Variants in ANGPTL3 observed in about 807,000 individuals in gnomAD.
The protein encoded by ANGPTL3 is angiopoietin like 3.
A neutral mutation model predicts 52.7 loss-of-function variants in ANGPTL3; 51 were observed. The observed-to-expected ratio is 0.97, with a 90% CI of 0.77 to 1.22. The LOEUF (loss-of-function observed/expected upper bound fraction) is 1.22. ANGPTL3 is among the 50% of genes most tolerant of loss of function. ANGPTL3 has a pLI of 0.00. For synonymous variants in ANGPTL3, 185 were observed against 179.8 expected, an observed-to-expected ratio of 1.03 and a Z score of -0.23; for missense variants, 506 against 520.7, an observed-to-expected ratio of 0.97 and a Z score of 0.27.
chr1:62,598,674 C>T, intron 1 of ANGPTL3, 22 bp from the exon 2 acceptor site: 1 of 1,394,236 alleles, frequency 7.2e-7, no homozygotes, highest in African/African-American at 1.4e-5. Flanking sequence ...CAACTTATAA[C>T]CAACCTACTC....
At chr1:62,604,419 T>G in intron 6 of ANGPTL3, 184 bp downstream of exon 6, 2 of 895,190 alleles carry the variant, frequency 2.2e-6, no homozygotes, top group Admixed American at 2.8e-5. Flanking sequence ...ATTTTACCTC[T>G]AATCTTCCTC....
intron 5 of ANGPTL3, 65 bp from the exon 6 acceptor site, chr1:62,603,904 A>T: frequency 2.0e-6 from 3 of 1,514,712 alleles, no homozygotes; most frequent in Non-Finnish European, 2.7e-6. Flanking sequence ...AAAAACACTT[A>T]AAAAAACTGT....
At chr1:62,603,149 T>C (rs1650403950) in intron 5 of ANGPTL3, among the ~76,000 whole-genome samples, 2 of 151,682 alleles carry the variant, frequency 1.3e-5, no homozygotes, top group South Asian at 2.1e-4. Context: ...AATCTTCTAA[T>C]AGTGAGTGTA....
intron 4 of ANGPTL3, 132 bp downstream of exon 4, chr1:62,602,014 T>C: frequency 3.2e-6 from 2 of 619,324 alleles, no homozygotes; most frequent in Non-Finnish European, 5.6e-6. Flanking sequence ...ATAAATATAA[T>C]ACTTTTACCT....
intron 3 of ANGPTL3, among the ~76,000 whole-genome samples, chr1:62,601,398 T>C (rs908909970): frequency 1.3e-5 from 2 of 151,654 alleles, no homozygotes; most frequent in African/African-American, 4.8e-5. Context: ...GACTTGATTA[T>C]TAGATAATAT....
At position 62,604,688 on chromosome 1, in the gene ANGPTL3, C is replaced by CA; in HGVS notation, c.1257dup (p.Pro420ThrfsTer6). ...AAAACAACCTAAATGGTAAATATAACAAACCAAGAGCAAAATCTAAGCCAG... is the reference window on the plus strand; with the variant it reads ...AAAACAACCTAAATGGTAAATATAACAAAACCAAGAGCAAAATCTAAGCCAG... On this transcript the variant is annotated frameshift_variant, in exon 7 of 7. Transcript: ENST00000371129. LOFTEE classifies it high-confidence loss of function. 1 of 1,613,112 alleles carries CA rather than the reference C, an allele frequency of 6.2e-7. No individual in the cohort carries two copies. Among genetic ancestry groups the CA allele is most frequent in the Middle Eastern group, 1.7e-4 (1 of 6,058 alleles).
At chr1:62,599,663 C>CAGT in intron 2 of ANGPTL3, among the ~76,000 whole-genome samples, 1 of 152,006 alleles carries the variant, frequency 6.6e-6, no homozygotes, top group African/African-American at 2.4e-5. Flanking sequence ...GTATGGCACA[C>CAGT]AGTAGGCATT....
chr1:62,602,357 A>C lies in ANGPTL3; in HGVS notation c.908A>C (p.Lys303Thr), dbSNP rs1650271397. ...QNFNETWENY[K>T]YGFGRLDGEF... ...TTCAATGAAACGTGGGAGAACTACAAATATGGTTTTGGGAGGCTTGATGGT... is the reference window on the plus strand; with the variant it reads ...TTCAATGAAACGTGGGAGAACTACACATATGGTTTTGGGAGGCTTGATGGT... Residue 303 changes from lysine (K) to threonine (T), a missense_variant, in exon 5 of 7, where the codon AAA (lysine) becomes ACA (threonine). Physicochemically the swap from Lys to Thr is moderately conservative, Grantham distance 78. Transcript: ENST00000371129. The C allele has an allele frequency of 3.7e-6, 6 of 1,610,912 alleles. No homozygotes were observed. Among genetic ancestry groups the C allele is most frequent in the Non-Finnish European group, 5.1e-6 (6 of 1,177,662 alleles).
In ANGPTL3 at chr1:62,597,777, A is replaced by G; in HGVS notation, c.211A>G (p.Ile71Val). The part of the protein sequence containing the change: ...VHKTKGQIND[I>V]FQKLNIFDQS... ...TAAGACGAAGGGCCAAATTAATGAC[A>G]TATTTCAAAAACTCAACATATTTGA... Residue 71 changes from isoleucine to valine, a missense_variant, in exon 1 of 7, where the codon ATA becomes GTA. Physicochemically the swap from Ile to Val is conservative, Grantham distance 29 (BLOSUM62 3). Transcript: ENST00000371129. 1 of 1,613,592 alleles carries G rather than the reference A, an allele frequency of 6.2e-7. No individual in the cohort carries two copies. The highest frequency in any genetic ancestry group is 8.5e-7 in the Non-Finnish European group (1 of 1,179,694).
In ANGPTL3 at chr1:62,602,287, A is replaced by G; in HGVS notation, c.838A>G (p.Ser280Gly). Residue 280 changes from serine (S) to glycine (G), a missense_variant and splice_region_variant, in exon 5 of 7, where the codon AGT becomes GGT. By Grantham distance (56) the Ser-to-Gly change is moderately conservative (BLOSUM62 0). Transcript: ENST00000371129. ...FHVYCDVISG[S>G]PWTLIQHRID... ...ATGATTTCATTCATTATATTCAGGTAGTCCATGGACATTAATTCAACATCG... is the reference window on the plus strand; with the variant it reads ...ATGATTTCATTCATTATATTCAGGTGGTCCATGGACATTAATTCAACATCG... The G allele has an allele frequency of 6.2e-7, 1 of 1,602,686 alleles. No individual in the cohort carries two copies. The highest frequency in any genetic ancestry group is 8.5e-7 in the Non-Finnish European group (1 of 1,170,550).
At chr1:62,603,332 TTAA>T (rs1350032471) in intron 5 of ANGPTL3, among the ~76,000 whole-genome samples, 2 of 151,800 alleles carry the variant, frequency 1.3e-5, no homozygotes, top group African/African-American at 4.8e-5. Context: ...TATAAATACT[TTAA>T]TAAAAAGGAT....
In ANGPTL3 at chr1:62,597,954, G is replaced by A; in HGVS notation, c.388G>A (p.Glu130Lys). ...CTCAAAACTTGAAAGCCTCCTAGAA[G>A]AAAAAATTCTACTTCAACAAAAAGT... is the stretch of plus-strand genomic sequence containing the variant. ...LNSKLESLLE[E>K]KILLQQKVKY... The change falls in exon 1 of 7, where the codon GAA becomes AAA. Residue 130 changes from glutamate (E) to lysine (K), a missense_variant. Transcript: ENST00000371129. The A allele has an allele frequency of 6.4e-7, 1 of 1,551,746 alleles. No homozygotes were observed. The highest frequency in any genetic ancestry group is 8.6e-7 in the Non-Finnish European group (1 of 1,157,750).
chr1:62,602,289 T>G lies in ANGPTL3; in HGVS notation c.840T>G (p.Ser280Arg), dbSNP rs746868277. The change falls in exon 5 of 7, where the codon AGT becomes AGG. Residue 280 changes from serine to arginine, a missense_variant. By Grantham distance (110) the Ser-to-Arg change is moderately radical. Coordinates refer to ENST00000371129, the MANE Select transcript of ANGPTL3 (RefSeq NM_014495.4). ...GATTTCATTCATTATATTCAGGTAG[T>G]CCATGGACATTAATTCAACATCGAA... ...FHVYCDVISG[S>R]PWTLIQHRID... is the part of the protein sequence containing the mutation. The G allele has an allele frequency of 6.2e-7, 1 of 1,606,266 alleles. No individual in the cohort carries two copies. Among genetic ancestry groups the G allele is most frequent in the Non-Finnish European group, 8.5e-7 (1 of 1,173,800 alleles).
At position 62,604,206 on chromosome 1, in the gene ANGPTL3, G is replaced by A; in HGVS notation, c.1169G>A (p.Gly390Glu). The A allele has an allele frequency of 1.2e-6, 2 of 1,613,288 alleles. No individual in the cohort carries two copies. Among genetic ancestry groups the A allele is most frequent in the Non-Finnish European group, 1.7e-6 (2 of 1,179,410 alleles). Reference protein sequence around the residue: ...VFSTWDHKAKGHFNCPEGYSG... With the variant: ...VFSTWDHKAKEHFNCPEGYSG... ...TCTACTTGGGATCACAAAGCAAAAGGACACTTCAACTGTCCAGAGGGTTAT... is the reference window on the plus strand; with the variant it reads ...TCTACTTGGGATCACAAAGCAAAAGAACACTTCAACTGTCCAGAGGGTTAT... Residue 390 changes from glycine (G) to glutamate (E), a missense_variant, in exon 6 of 7, where the codon GGA becomes GAA. By Grantham distance (98) the Gly-to-Glu change is moderately conservative. Coordinates refer to ENST00000371129, the MANE Select transcript of ANGPTL3 (RefSeq NM_014495.4).
rs1181732860 is a variant in ANGPTL3, at chr1:62,598,700, T to C, written c.500T>C (p.Phe167Ser). The C allele has an allele frequency of 4.4e-6, 7 of 1,599,706 alleles. No individual in the cohort carries two copies. Among genetic ancestry groups the C allele is most frequent in the East Asian group, 4.5e-5 (2 of 44,644 alleles). ...EHPEVTSLKT[F>S]VEKQDNSIKD... is the part of the protein sequence containing the mutation. ...CAACCTACTCTCTATATCCAGACTT[T>C]TGTAGAAAAACAAGATAATAGCATC... The change falls in exon 2 of 7, where the codon TTT (phenylalanine) becomes TCT (serine). Residue 167 changes from phenylalanine (F) to serine (S), a missense_variant. Phe to Ser is a radical substitution (Grantham distance 155). Transcript: ENST00000371129.
chr1:62,598,746 G>T lies in ANGPTL3; in HGVS notation c.546G>T (p.Val182=), dbSNP rs777827120. Residue 182 remains valine, a synonymous_variant, in exon 2 of 7, where the codon GTG becomes GTT. Transcript: ENST00000371129. Reference sequence around the variant, plus strand: ...GCATCAAAGACCTTCTCCAGACCGTGGAAGACCAATATAAACAATTAAACC... The same window carrying T: ...GCATCAAAGACCTTCTCCAGACCGTTGAAGACCAATATAAACAATTAAACC... ...DNSIKDLLQT[V]EDQYKQLNQQ... The T allele has an allele frequency of 1.2e-6, 2 of 1,611,266 alleles. No homozygotes were observed. The highest frequency in any genetic ancestry group is 2.7e-5 in the African/African-American group (2 of 74,786).
Position 62,606,286 on chromosome 1 carries a change from T to C in ANGPTL3, c.*1469T>C, listed in dbSNP as rs1409809009. 6.6e-6 allele frequency: 1 copy of C among 151,810 alleles called. No homozygotes were observed. The highest frequency in any genetic ancestry group is 2.4e-5 in the African/African-American group (1 of 41,334). 9.4% of individuals were successfully genotyped at this position (151,810 alleles called of 1,614,324 possible). A position where few individuals can be genotyped will look rare whatever the true frequency, so the allele number is the denominator to read the frequency against. On this transcript the variant is annotated 3_prime_UTR_variant, in exon 7 of 7. Transcript: ENST00000371129. ...ATGCAAAATAATTCATTATTTAATA[T>C]ATGAGTTGCTTCCTCTATTTGGTTT...
In ANGPTL3 at chr1:62,605,092, G is replaced by A; in HGVS notation, c.*275G>A. 6.9e-6 allele frequency: 2 copies of A among 288,232 alleles called. No individual in the cohort carries two copies. Among genetic ancestry groups the A allele is most frequent in the South Asian group, 5.8e-5 (1 of 17,210 alleles). 17.9% of individuals were successfully genotyped at this position (288,232 alleles called of 1,614,324 possible). ...GTCACAATCTAGATTATAATCAATA[G>A]GTGAACTTATTAAATAACTTTTCTA... On this transcript the variant is annotated 3_prime_UTR_variant, in exon 7 of 7. Transcript: ENST00000371129.
chr1:62,601,291 T>C (rs1650082084), intron 3 of ANGPTL3, 95 bp downstream of exon 3: 2 of 887,292 alleles, frequency 2.3e-6, no homozygotes, highest in African/African-American at 1.7e-5. Flanking sequence ...TTAAGAGATA[T>C]CCATCAAATA....
Sources: allele counts gnomAD v4.1 joint callset (sites outside exome capture counted in the v4.1 genomes callset), GRCh38; gene constraint gnomAD v4.1.1; transcripts MANE v1.5; gene names NCBI Gene and HGNC (gene_info 2026-07-23, HGNC 2026-07-21).